The following EXOC2 variants were observed in gnomAD, a reference collection of about 807,000 sequenced individuals.
The protein encoded by EXOC2 is exocyst complex component 2.
A neutral mutation model predicts 131.8 loss-of-function variants in EXOC2; 70 were observed. That is an observed-to-expected ratio of 0.53 (90% confidence interval 0.44 to 0.65). EXOC2 has a LOEUF of 0.65. Ranked by LOEUF, EXOC2 falls within the 30% of genes least tolerant of loss-of-function variation. The pLI, the probability that EXOC2 is intolerant of heterozygous loss-of-function variation, is 0.00. For missense variants in EXOC2, 923 were observed against 1,108.6 expected (o/e 0.83, Z 2.38); for synonymous variants, 411 against 398.4 (o/e 1.03, Z -0.38).
rs114984461 is a variant in EXOC2, at chr6:629,811, G to A, written c.422+24C>T. The A allele has an allele frequency of 3.5e-3, 5,557 of 1,608,006 alleles. 17 individuals carry two copies. The highest frequency in any genetic ancestry group is 4.3e-3 in the Non-Finnish European group (5,018 of 1,178,102). On this transcript the variant is annotated intron_variant, in intron 4 of 27. Transcript: ENST00000230449. ...TTTTCAGGAACTGAAAAATAAAGAA[G>A]ACTGAAAGCAAGATGGTACTCACTT...
At chr6:692,786 G>A (rs1312507229) in intron 1 of EXOC2, among the ~76,000 whole-genome samples, 1 of 152,142 alleles carries the variant, frequency 6.6e-6, no homozygotes, top group Non-Finnish European at 1.5e-5. Context: ...GCGGGGGTGC[G>A]AACTGGCGGG....
intron 25 of EXOC2, 73 bp downstream of exon 25, chr6:497,294 T>C: frequency 4.9e-6 from 7 of 1,424,086 alleles, no homozygotes; most frequent in East Asian, 2.3e-5. Context: ...TATCATAAGA[T>C]TGATGACTAA....
intron 11 of EXOC2, 125 bp downstream of exon 11, chr6:592,344 G>T: frequency 1.2e-6 from 1 of 811,736 alleles, no homozygotes; most frequent in Non-Finnish European, 1.9e-6. Context: ...CACAAAACAA[G>T]CAAAAGACAA....
At chr6:570,190 G>C (rs1303826503) in intron 13 of EXOC2, among the ~76,000 whole-genome samples, 1 of 133,720 alleles carries the variant, frequency 7.5e-6, no homozygotes, top group Non-Finnish European at 1.6e-5. Context: ...CTGGAGTGTG[G>C]TGGCGCGATC....
At chr6:631,399 A>G (rs182360943) in intron 3 of EXOC2, among the ~76,000 whole-genome samples, 27 of 152,086 alleles carry the variant, frequency 1.8e-4, no homozygotes, top group Non-Finnish European at 3.1e-4. Flanking sequence ...TTAGCTGGGC[A>G]TGGTGGCACG....
At chr6:511,734 A>G (rs1404575301) in intron 23 of EXOC2, among the ~76,000 whole-genome samples, 1 of 152,260 alleles carries the variant, frequency 6.6e-6, no homozygotes, top group Non-Finnish European at 1.5e-5. Context: ...CCACAGGCTC[A>G]GGGCAGCAAG....
intron 25 of EXOC2, among the ~76,000 whole-genome samples, chr6:495,366 C>A (rs946118866): frequency 6.6e-6 from 1 of 152,064 alleles, no homozygotes; most frequent in East Asian, 1.9e-4. Flanking sequence ...CCTCGTGATC[C>A]GCCCGCCTCG....
chr6:540,674 A>G lies in EXOC2; in HGVS notation c.2239-8064T>C, dbSNP rs1022867150. On this transcript the variant is annotated intron_variant, in intron 22 of 27. Transcript: ENST00000230449. ...AAAAAAATTAAGAGATGTGAAGAATAGAGTGAGAAGGTCTAACATACACCC... is the reference window on the plus strand; with the variant it reads ...AAAAAAATTAAGAGATGTGAAGAATGGAGTGAGAAGGTCTAACATACACCC... Among the ~76,000 whole-genome samples, 3 of 152,304 alleles carry G rather than the reference A, an allele frequency of 2.0e-5. 1 individual carries two copies. The South Asian group carries it at 6.2e-4, about 32-fold the overall frequency.
intron 23 of EXOC2, among the ~76,000 whole-genome samples, chr6:513,744 A>G (rs1231523996): frequency 6.6e-6 from 1 of 152,238 alleles, no homozygotes; most frequent in Non-Finnish European, 1.5e-5. Context: ...AAACATTTTG[A>G]TTATTAGTAT....
At chr6:640,264 G>A (rs1762293886) in intron 1 of EXOC2, among the ~76,000 whole-genome samples, 1 of 152,232 alleles carries the variant, frequency 6.6e-6, no homozygotes, top group South Asian at 2.1e-4. Flanking sequence ...TGCTTTGGGA[G>A]AGACAGAAGG....
chr6:683,055 C>G (rs536021654), intron 1 of EXOC2, among the ~76,000 whole-genome samples: 2 of 152,162 alleles, frequency 1.3e-5, no homozygotes, highest in Non-Finnish European at 2.9e-5. Flanking sequence ...GCTTTACCCT[C>G]GCAGTGATGG....
intron 1 of EXOC2, among the ~76,000 whole-genome samples, chr6:661,527 T>A (rs1274755226): frequency 6.6e-6 from 1 of 152,220 alleles, no homozygotes; most frequent in Non-Finnish European, 1.5e-5. Flanking sequence ...AAGAATTTTG[T>A]ATCCATTGAA....
chr6:601,169 G>A (rs1479633783), intron 7 of EXOC2, among the ~76,000 whole-genome samples: 1 of 152,182 alleles, frequency 6.6e-6, no homozygotes, highest in Non-Finnish European at 1.5e-5. Context: ...CACCAGGAAG[G>A]CATCAACAAA....
chr6:516,432 G>A (rs1037991869), intron 23 of EXOC2, among the ~76,000 whole-genome samples: 5 of 152,162 alleles, frequency 3.3e-5, no homozygotes, highest in African/African-American at 9.7e-5. Flanking sequence ...CCCTAGCCCC[G>A]GCCCAACAGA....
At chr6:648,955 T>G (rs1251853843) in intron 1 of EXOC2, among the ~76,000 whole-genome samples, 1 of 151,954 alleles carries the variant, frequency 6.6e-6, no homozygotes, top group African/African-American at 2.4e-5. Context: ...TCAAGCAATC[T>G]GCCCGCTTCC....
chr6:515,657 G>A (rs1249680157), intron 23 of EXOC2, among the ~76,000 whole-genome samples: 2 of 151,036 alleles, frequency 1.3e-5, no homozygotes, highest in African/African-American at 4.9e-5. Flanking sequence ...CACAGCTGGG[G>A]CGGTCCTAGG....
intron 23 of EXOC2, among the ~76,000 whole-genome samples, chr6:500,908 T>A (rs1342952694): frequency 6.6e-6 from 1 of 151,398 alleles, no homozygotes; most frequent in African/African-American, 2.4e-5. Context: ...ATATTCCAAA[T>A]ATAGAACTAG....
At chr6:671,550 A>T (rs968161147) in intron 1 of EXOC2, among the ~76,000 whole-genome samples, 50 of 152,230 alleles carry the variant, frequency 3.3e-4, no homozygotes, top group African/African-American at 9.1e-4. Context: ...TTTCAGATCC[A>T]AGTATTTGAC....
chr6:630,047 G>T, intron 3 of EXOC2, 86 bp from the exon 4 acceptor site: 1 of 1,452,616 alleles, frequency 6.9e-7, no homozygotes, highest in Non-Finnish European at 9.2e-7. Context: ...ACTTCTTAAA[G>T]ACCTAATACA....
Sources: allele counts gnomAD v4.1 joint callset (sites outside exome capture counted in the v4.1 genomes callset), GRCh38; gene constraint gnomAD v4.1.1; transcripts MANE v1.5; gene names NCBI Gene and HGNC (gene_info 2026-07-23, HGNC 2026-07-21).